Variants in INTS6 observed in about 807,000 individuals in gnomAD.
INTS6 encodes integrator complex subunit 6, also known as DEAD box protein.
In INTS6, 16 loss-of-function variants were observed where a neutral mutation model predicts 104.9. The observed-to-expected ratio is 0.15, with a 90% CI of 0.10 to 0.23. The LOEUF is 0.23. INTS6 is among the 10% of genes least tolerant of loss of function. The pLI is 1.00. For missense variants in INTS6, 584 were observed against 1,062.8 expected, an observed-to-expected ratio of 0.55 and a Z score of 6.26; for synonymous variants, 324 against 358.7, an observed-to-expected ratio of 0.90 and a Z score of 1.09.
At chr13:51,417,074 T>G (rs750036435) in intron 4 of INTS6, among the ~76,000 whole-genome samples, 12 of 152,212 alleles carry the variant, frequency 7.9e-5, no homozygotes, top group Non-Finnish European at 1.5e-4. Context: ...TTAGATTGTC[T>G]TTTTATTTTT....
intron 4 of INTS6, among the ~76,000 whole-genome samples, chr13:51,411,254 T>TGC (rs1956681836): frequency 6.7e-6 from 1 of 148,802 alleles, no homozygotes; most frequent in Non-Finnish European, 1.5e-5. Context: ...AATAAATAAA[T>TGC]AAGCAAGCAA....
chr13:51,428,315 ACTTTTTTTTT>A (rs1957020590), intron 4 of INTS6, among the ~76,000 whole-genome samples: 2 of 150,226 alleles, frequency 1.3e-5, no homozygotes, highest in Non-Finnish European at 3.0e-5. Flanking sequence ...ATTTAAAATG[ACTTTTTTTTT>A]CTTTTTTTTT....
rs926382645 is a variant in INTS6 at position 51,420,758 on chromosome 13, A to T, written c.429+9536T>A. On this transcript the variant is annotated intron_variant, in intron 4 of 17. Transcript: ENST00000311234. ...AGAGAATACCTTGCTAGCTAAATTA[A>T]AAAAAAAAAAAAAAAACTATCCATA... is the stretch of plus-strand genomic sequence containing the variant. Among the ~76,000 whole-genome samples, 385 of 126,556 alleles carry T rather than the reference A, an allele frequency of 3.0e-3. 1 individual carries two copies. The highest frequency in any genetic ancestry group is 0.012 in the African/African-American group (374 of 31,444). The allele number at this position is 126,556 out of a possible 152,430, so 83.0% of individuals were successfully genotyped here.
chr13:51,358,033 A>T (rs1370716112), downstream of INTS6, among the ~76,000 whole-genome samples: 1 of 152,136 alleles, frequency 6.6e-6, no homozygotes, highest in African/African-American at 2.4e-5. Context: ...GAATTGCAAT[A>T]GAAAGAGGTG....
At chr13:51,357,871 G>C (rs1227544122), downstream of INTS6, among the ~76,000 whole-genome samples, 2 of 152,096 alleles carry the variant, frequency 1.3e-5, no homozygotes, top group African/African-American at 4.8e-5. Flanking sequence ...AAACTGTCTT[G>C]TTCTTGGCTT....
downstream of INTS6, among the ~76,000 whole-genome samples, chr13:51,359,929 A>G (rs1955538321): frequency 6.6e-6 from 1 of 152,010 alleles, no homozygotes. Flanking sequence ...TTCTTTGCTG[A>G]TTTTAGGACA....
intron 3 of INTS6, chr13:51,450,068 G>T: frequency 1.0e-6 from 1 of 985,334 alleles, no homozygotes. Flanking sequence ...GTCACAGAAA[G>T]AATTTCCCTG....
chr13:51,384,760 G>C, intron 7 of INTS6: 1 of 450,148 alleles, frequency 2.2e-6, no homozygotes, highest in Admixed American at 2.4e-5. Flanking sequence ...ACATAAACAT[G>C]GTAGGTAGTC....
At chr13:51,346,986 C>A in the INTS6 span, 2 of 1,461,316 alleles carry the variant, frequency 1.4e-6, no homozygotes, top group East Asian at 2.5e-5. Flanking sequence ...AGTTTCAATG[C>A]ACATTTAACC....
At chr13:51,433,054 C>T (rs142213261) in intron 3 of INTS6, among the ~76,000 whole-genome samples, 1 of 152,292 alleles carries the variant, frequency 6.6e-6, no homozygotes, top group East Asian at 1.9e-4. Context: ...TGACTTGGTG[C>T]CTTTCAAAAA....
chr13:51,338,728 A>G, the INTS6 span, among the ~76,000 whole-genome samples: 2 of 152,234 alleles, frequency 1.3e-5, no homozygotes, highest in Non-Finnish European at 2.9e-5. Context: ...TAGAACTGTA[A>G]CTATCCTAAG....
At chr13:51,438,083 A>G (rs1952724937) in intron 3 of INTS6, 1 of 152,124 alleles carries the variant, frequency 6.6e-6, no homozygotes, top group Non-Finnish European at 1.5e-5. Context: ...AAAAATGTGG[A>G]TTTTTTTGTT....
intron 3 of INTS6, chr13:51,443,653 T>G (rs1340660226): frequency 6.6e-6 from 1 of 151,440 alleles, no homozygotes; most frequent in African/African-American, 2.4e-5. Flanking sequence ...AGCCCAGGAG[T>G]TCAAGACCAG....
At chr13:51,437,935 G>T (rs1014404458) in intron 3 of INTS6, 12 of 152,320 alleles carry the variant, frequency 7.9e-5, no homozygotes, top group African/African-American at 2.6e-4. Flanking sequence ...TTTGAACCTG[G>T]GAGGCAGAGA....
the INTS6 span, chr13:51,348,157 G>C: frequency 7.3e-7 from 1 of 1,371,828 alleles, no homozygotes; most frequent in Non-Finnish European, 1.0e-6. Flanking sequence ...GTCCGACACT[G>C]GTTCATTCTC....
intron 4 of INTS6, among the ~76,000 whole-genome samples, chr13:51,419,999 C>T (rs73492259): frequency 0.01 from 1,597 of 152,278 alleles, 31 homozygotes; most frequent in African/African-American, 0.036. Context: ...AACATACTGT[C>T]TATGGCTGCT....
downstream of INTS6, among the ~76,000 whole-genome samples, chr13:51,351,876 T>C (rs1179031934): frequency 6.6e-6 from 1 of 152,120 alleles, no homozygotes; most frequent in Non-Finnish European, 1.5e-5. Flanking sequence ...TTTGTCCCAA[T>C]ATCATTTGTT....
chr13:51,450,843 A>G, intron 3 of INTS6, 182 bp downstream of exon 3: 1 of 1,217,070 alleles, frequency 8.2e-7, no homozygotes, highest in Non-Finnish European at 1.0e-6. Context: ...TAGAGGGGGA[A>G]AAAATGAGGG....
intron 3 of INTS6, chr13:51,436,686 G>A (rs1952695200): frequency 6.6e-6 from 1 of 152,020 alleles, no homozygotes; most frequent in South Asian, 2.1e-4. Context: ...AATAACATTA[G>A]GGAAATTCAA....
Sources: allele counts gnomAD v4.1 joint callset (sites outside exome capture counted in the v4.1 genomes callset), GRCh38; gene constraint gnomAD v4.1.1; transcripts MANE v1.5; gene names NCBI Gene and HGNC (gene_info 2026-07-23, HGNC 2026-07-21).